Variants in NRXN1 observed in about 807,000 individuals in gnomAD.
The protein encoded by NRXN1 is neurexin-1.
A neutral mutation model predicts 150.9 loss-of-function variants in NRXN1; 39 were observed. The ratio of observed to expected loss-of-function variants is 0.26; its 90% CI spans 0.20 to 0.34. The LOEUF (loss-of-function observed/expected upper bound fraction) is 0.34. Ranked by LOEUF, NRXN1 falls within the 10% of genes least tolerant of loss-of-function variation. The pLI is 1.00. For missense variants in NRXN1, 1,815 were observed against 1,949.9 expected (o/e 0.93, Z 1.30); for synonymous variants, 924 against 757.0 (o/e 1.22, Z -3.62).
At chr2:50,243,619 A>C (rs1321792525) in intron 17 of NRXN1, among the ~76,000 whole-genome samples, 2 of 151,836 alleles carry the variant, frequency 1.3e-5, no homozygotes, top group East Asian at 3.9e-4. Flanking sequence ...AATTTGGTTC[A>C]AGTTAATCCA....
At chr2:50,411,334 G>GT (rs2083150904) in intron 17 of NRXN1, among the ~76,000 whole-genome samples, 1 of 152,128 alleles carries the variant, frequency 6.6e-6, no homozygotes, top group African/African-American at 2.4e-5. Flanking sequence ...AGTGCTCAAT[G>GT]TTGCCCAGGC....
intron 5 of NRXN1, among the ~76,000 whole-genome samples, chr2:50,894,821 T>C (rs1201276693): frequency 6.6e-6 from 1 of 152,090 alleles, no homozygotes; most frequent in Non-Finnish European, 1.5e-5. Context: ...TAGAAGAAAA[T>C]TTAGCAATGG....
At chr2:50,630,585 G>T (rs1276228753) in intron 5 of NRXN1, among the ~76,000 whole-genome samples, 3 of 151,690 alleles carry the variant, frequency 2.0e-5, no homozygotes, top group Non-Finnish European at 3.0e-5. Flanking sequence ...ACTGTCCCCA[G>T]TTACATGAAG....
chr2:50,406,839 T>C (rs2082781163), intron 17 of NRXN1, among the ~76,000 whole-genome samples: 1 of 152,164 alleles, frequency 6.6e-6, no homozygotes, highest in Non-Finnish European at 1.5e-5. Context: ...AGCCAAGCTA[T>C]AGGTCTAAAC....
intron 18 of NRXN1, among the ~76,000 whole-genome samples, chr2:50,131,589 T>C (rs777494216): frequency 1.3e-5 from 2 of 152,198 alleles, no homozygotes; most frequent in African/African-American, 2.4e-5. Flanking sequence ...GTTTCTTCAA[T>C]ATACGAAGAA....
chr2:49,968,436 G>C (rs550091873), intron 21 of NRXN1, among the ~76,000 whole-genome samples: 1 of 152,116 alleles, frequency 6.6e-6, no homozygotes, highest in South Asian at 2.1e-4. Flanking sequence ...CGGCTTTTAA[G>C]AAATCAGTAT....
chr2:50,109,932 T>G (rs900530310), intron 18 of NRXN1, among the ~76,000 whole-genome samples: 1 of 152,218 alleles, frequency 6.6e-6, no homozygotes, highest in Non-Finnish European at 1.5e-5. Flanking sequence ...AAAGTAAGAA[T>G]ATATTCTGTG....
intron 5 of NRXN1, among the ~76,000 whole-genome samples, chr2:50,741,311 T>C (rs1699394481): frequency 6.6e-6 from 1 of 152,152 alleles, no homozygotes; most frequent in African/African-American, 2.4e-5. Flanking sequence ...TAGTGTAACT[T>C]TGAAAAAGGA....
rs1414658814 is a variant in NRXN1, at chr2:50,296,519, T to TATTAGTATTATTATTATC, written c.3365-59550_3365-59549insGATAATAATAATACTAAT. On this transcript the variant is annotated intron_variant, in intron 17 of 22. Coordinates refer to ENST00000401669, the MANE Select transcript of NRXN1 (RefSeq NM_001330078.2). ...CCATGTGTACCCATTGCTTAGCTTC[T>TATTAGTATTATTATTATC]ATTATTATTATTATTATCATTATTA... Among the ~76,000 whole-genome samples the TATTAGTATTATTATTATC allele has an allele frequency of 5.8e-3, 45 of 7,766 alleles. 1 individual carries two copies. Among genetic ancestry groups the TATTAGTATTATTATTATC allele is most frequent in the Admixed American group, 0.049 (45 of 920 alleles). 5.1% of individuals were successfully genotyped at this position (7,766 alleles called of 152,430 possible).
intron 8 of NRXN1, among the ~76,000 whole-genome samples, chr2:50,600,939 G>A (rs1022731682): frequency 8.4e-6 from 1 of 119,560 alleles, no homozygotes; most frequent in Non-Finnish European, 1.9e-5. Flanking sequence ...AAGTTTATTT[G>A]TGAATTAAAA....
At chr2:50,098,332 A>G (rs926153331) in intron 18 of NRXN1, among the ~76,000 whole-genome samples, 1 of 152,072 alleles carries the variant, frequency 6.6e-6, no homozygotes, top group Non-Finnish European at 1.5e-5. Flanking sequence ...CATACCCACA[A>G]AAGAGTTGAG....
At chr2:50,301,963 C>G (rs898747917) in intron 17 of NRXN1, among the ~76,000 whole-genome samples, 1 of 152,108 alleles carries the variant, frequency 6.6e-6, no homozygotes, top group African/African-American at 2.4e-5. Context: ...CTTCCCTTAA[C>G]TAATAGGCCT....
At chr2:50,225,098 T>G (rs1031148677) in intron 18 of NRXN1, among the ~76,000 whole-genome samples, 1 of 151,950 alleles carries the variant, frequency 6.6e-6, no homozygotes, top group African/African-American at 2.4e-5. Flanking sequence ...CTCTGACTTT[T>G]GTTTGCCTCA....
At chr2:50,240,996 T>C (rs930390212) in intron 17 of NRXN1, among the ~76,000 whole-genome samples, 12 of 151,636 alleles carry the variant, frequency 7.9e-5, no homozygotes, top group African/African-American at 2.9e-4. Flanking sequence ...ATCAAGTGAC[T>C]TTCAAAAATG....
At chr2:50,606,055 C>G (rs931974222) in intron 8 of NRXN1, among the ~76,000 whole-genome samples, 16 of 151,988 alleles carry the variant, frequency 1.1e-4, no homozygotes, top group Non-Finnish European at 1.5e-4. Flanking sequence ...TCAAGACCAG[C>G]CTGGTCAACA....
At position 50,624,427 on chromosome 2, in the gene NRXN1, TTCTC is replaced by T. The variant is rs1573847116; in HGVS notation, c.833-816_833-813del. Among the ~76,000 whole-genome samples the T allele has an allele frequency of 2.6e-5, 4 of 152,248 alleles. No individual in the cohort carries two copies. In the East Asian group the frequency reaches 7.7e-4, roughly 29 times the overall value. On this transcript the variant is annotated intron_variant, in intron 5 of 22. Transcript: ENST00000401669. ...AATGGATTCCAAGATGTTTTCAACA[TTCTC>T]TCCATCCAACTGAGGCATTATTTTA...
At chr2:50,220,596 T>C (rs1275774769) in intron 18 of NRXN1, among the ~76,000 whole-genome samples, 1 of 152,050 alleles carries the variant, frequency 6.6e-6, no homozygotes, top group East Asian at 1.9e-4. Flanking sequence ...GTATCCAATT[T>C]CAACAACTTT....
At chr2:50,894,787 C>T (rs1412141591) in intron 5 of NRXN1, among the ~76,000 whole-genome samples, 1 of 152,016 alleles carries the variant, frequency 6.6e-6, no homozygotes, top group Non-Finnish European at 1.5e-5. Context: ...TTGAGGAATG[C>T]TGTTTCTACA....
intron 19 of NRXN1, among the ~76,000 whole-genome samples, chr2:50,089,836 C>T (rs767441998): frequency 4.6e-5 from 7 of 151,638 alleles, no homozygotes; most frequent in African/African-American, 7.3e-5. Flanking sequence ...TGAAATTGCA[C>T]ATTTATACTA....
Sources: allele counts gnomAD v4.1 joint callset (sites outside exome capture counted in the v4.1 genomes callset), GRCh38; gene constraint gnomAD v4.1.1; transcripts MANE v1.5; gene names NCBI Gene and HGNC (gene_info 2026-07-23, HGNC 2026-07-21).